LGI1: variants seen among roughly 807,000 people sequenced by gnomAD.
LGI1 encodes the protein leucine rich glioma inactivated 1.
In LGI1, 11 loss-of-function variants were observed where a neutral mutation model predicts 57.7. The ratio of observed to expected loss-of-function variants is 0.19; its 90% CI spans 0.12 to 0.32. LGI1 has a LOEUF of 0.32. LGI1 is among the 10% of genes least tolerant of loss of function. The pLI is 1.00. For missense variants in LGI1, 422 were observed against 661.9 expected (o/e 0.64, Z 3.98); for synonymous variants, 222 against 241.9 (o/e 0.92, Z 0.76).
chr10:93,784,767 C>G (rs1361670606), intron 4 of LGI1, among the ~76,000 whole-genome samples: 2 of 152,058 alleles, frequency 1.3e-5, no homozygotes, highest in African/African-American at 2.4e-5. Context: ...CAGATCTTTG[C>G]AGAGGAAGGA....
At chr10:93,767,710 C>A (rs748966708) in intron 2 of LGI1, 3 of 152,108 alleles carry the variant, frequency 2.0e-5, no homozygotes, top group Non-Finnish European at 4.4e-5. Context: ...TTGATGTGAC[C>A]TCTGGGAGTC....
In LGI1 at chr10:93,793,364, A is replaced by G; in HGVS notation, c.838+14A>G. 1 of 1,611,630 alleles carries G rather than the reference A, an allele frequency of 6.2e-7. No homozygotes were observed. Among genetic ancestry groups the G allele is most frequent in the Non-Finnish European group, 8.5e-7 (1 of 1,177,812 alleles). On this transcript the variant is annotated intron_variant, in intron 7 of 7. Coordinates refer to ENST00000371418, the MANE Select transcript of LGI1 (RefSeq NM_005097.4). ...ACAACATTACAGGTATGAAAAGCCT[A>G]ATGATATTTTGAGTGGTAATTTAAA...
rs1222286917 is a variant in LGI1 at position 93,758,702 on chromosome 10, G to A, written c.216-58G>A. 1.7e-6 allele frequency: 2 copies of A among 1,190,344 alleles called. No homozygotes were observed. Among genetic ancestry groups the A allele is most frequent in the Non-Finnish European group, 2.5e-6 (2 of 800,256 alleles). 73.7% of individuals were successfully genotyped at this position (1,190,344 alleles called of 1,614,324 possible). On this transcript the variant is annotated intron_variant, in intron 1 of 7. Coordinates refer to ENST00000371418, the MANE Select transcript of LGI1 (RefSeq NM_005097.4). This position sits in a 1 kb window ranked among gnomAD's most constrained non-coding sequence, Gnocchi z 4.7. ...GATTAACATAAGGTTTGTTCTGTGT[G>A]TGTGTGTCTCTTTGTGTGTGTCTGT... is the stretch of plus-strand genomic sequence containing the variant.
At position 93,769,331 on chromosome 10, in the gene LGI1, G is replaced by A. The variant is rs573259598; in HGVS notation, c.288-8048G>A. On this transcript the variant is annotated intron_variant, in intron 2 of 7. Coordinates refer to ENST00000371418, the MANE Select transcript of LGI1 (RefSeq NM_005097.4). The stretch of plus-strand genomic sequence containing the variant: ...CATATACATATGCAAATAAACCCAT[G>A]TTCACTTGGGAGTGTGCACACTCAT... 2.0e-5 allele frequency: 3 copies of A among 152,264 alleles called. No homozygotes were observed. The South Asian group carries it at 6.2e-4, about 32-fold the overall frequency. 9.4% of individuals were successfully genotyped at this position (152,264 alleles called of 1,614,324 possible).
intron 2 of LGI1, among the ~76,000 whole-genome samples, chr10:93,759,583 G>A (rs1446573447): frequency 6.6e-6 from 1 of 152,170 alleles, no homozygotes; most frequent in Non-Finnish European, 1.5e-5. Flanking sequence ...AGTCCTTACA[G>A]CGGTATCACA....
At chr10:93,761,245 A>G (rs2059620070) in intron 2 of LGI1, among the ~76,000 whole-genome samples, 1 of 152,190 alleles carries the variant, frequency 6.6e-6, no homozygotes, top group Non-Finnish European at 1.5e-5. Flanking sequence ...CCTTTGGAAC[A>G]TGAAGACCAA....
chr10:93,771,696 G>C (rs114649733), intron 2 of LGI1: 3 of 152,180 alleles, frequency 2.0e-5, no homozygotes, highest in African/African-American at 4.8e-5. Flanking sequence ...TTAAAGGCAG[G>C]CCAGGCGCGC....
At chr10:93,773,848 G>A (rs1018071314) in intron 2 of LGI1, among the ~76,000 whole-genome samples, 2 of 152,168 alleles carry the variant, frequency 1.3e-5, no homozygotes, top group Non-Finnish European at 2.9e-5. Context: ...CATGGAACTG[G>A]GGCAGAGGGC....
At chr10:93,782,476 A>G (rs553415346) in intron 4 of LGI1, among the ~76,000 whole-genome samples, 47 of 152,322 alleles carry the variant, frequency 3.1e-4, no homozygotes, top group African/African-American at 1.1e-3. Context: ...TGTATAACTA[A>G]AACTCACTGC....
chr10:93,781,559 A>G (rs1424059134), intron 4 of LGI1, among the ~76,000 whole-genome samples: 1 of 152,126 alleles, frequency 6.6e-6, no homozygotes. Context: ...TTTGTTTTGA[A>G]TCATTGTTCT....
intron 4 of LGI1, among the ~76,000 whole-genome samples, chr10:93,785,168 A>G (rs775575049): frequency 3.3e-5 from 5 of 152,216 alleles, no homozygotes; most frequent in Non-Finnish European, 7.3e-5. Context: ...GATTATCCCT[A>G]CTAAGAGAGG....
At chr10:93,796,942 C>T (rs2059985224) in intron 7 of LGI1, 26 bp from the exon 8 acceptor site, 1 of 1,572,720 alleles carries the variant, frequency 6.4e-7, no homozygotes, top group Non-Finnish European at 8.7e-7. Context: ...GGCCACACAA[C>T]TAATCTCTCC....
chr10:93,777,269 G>A, intron 2 of LGI1, 110 bp from the exon 3 acceptor site: 1 of 899,152 alleles, frequency 1.1e-6, no homozygotes, highest in Non-Finnish European at 1.9e-6. Flanking sequence ...AGACAGCCAT[G>A]CAGACATTTT....
Position 93,758,829 on chromosome 10 carries a change from C to G in LGI1, c.285C>G (p.Leu95=). ...TTTTATTCACGCCATCGCTGCAGCTCTTGTGAGAAATATTTATATCATGAC... is the reference window on the plus strand; with the variant it reads ...TTTTATTCACGCCATCGCTGCAGCTGTTGTGAGAAATATTTATATCATGAC... The part of the protein sequence containing the change: ...GSFLFTPSLQ[L]LLFTSNSFDV... Residue 95 remains leucine (L), a splice_region_variant and synonymous_variant, in exon 2 of 8, where the codon CTC becomes CTG. Coordinates refer to ENST00000371418, the MANE Select transcript of LGI1 (RefSeq NM_005097.4). The surrounding 1 kb of genome is among the most constrained non-coding windows in gnomAD (Gnocchi z 4.7). The G allele has an allele frequency of 1.2e-6, 2 of 1,604,218 alleles. No individual in the cohort carries two copies. Among genetic ancestry groups the G allele is most frequent in the African/African-American group, 2.7e-5 (2 of 74,760 alleles).
intron 7 of LGI1, among the ~76,000 whole-genome samples, chr10:93,795,582 A>T (rs1329355340): frequency 6.6e-6 from 1 of 152,172 alleles, no homozygotes; most frequent in Non-Finnish European, 1.5e-5. Context: ...TTCCAACCAT[A>T]GCAGATGACA....
intron 4 of LGI1, among the ~76,000 whole-genome samples, chr10:93,781,982 T>G (rs2059851419): frequency 6.6e-6 from 1 of 152,224 alleles, no homozygotes; most frequent in South Asian, 2.1e-4. Context: ...TGCTTGTGTG[T>G]TCCCAATCAG....
In LGI1 at chr10:93,790,187, A is replaced by G; in HGVS notation, c.503+17A>G. The G allele has an allele frequency of 6.3e-7, 1 of 1,580,988 alleles. No individual in the cohort carries two copies. The highest frequency in any genetic ancestry group is 1.7e-5 in the Admixed American group (1 of 59,354). On this transcript the variant is annotated intron_variant, in intron 5 of 7. Transcript: ENST00000371418. ...AACAAATGTGTAAGAGGACCTAAGA[A>G]ATCACTGAACAATTAATTAATTTGC...
intron 7 of LGI1, among the ~76,000 whole-genome samples, chr10:93,794,362 C>CTTTTT (rs71031540): frequency 5.3e-4 from 54 of 101,168 alleles, no homozygotes; most frequent in Non-Finnish European, 7.4e-4. Context: ...CTGGATCTCT[C>CTTTTT]TTTTTTTTTT....
chr10:93,769,687 C>T (rs930045397), intron 2 of LGI1: 6 of 152,176 alleles, frequency 3.9e-5, no homozygotes, highest in Non-Finnish European at 8.8e-5. Flanking sequence ...ACAATAATAA[C>T]TGGCAGTTAC....
Sources: gnomAD v4.1 joint callset for allele counts (sites outside exome capture counted in the v4.1 genomes callset) on GRCh38, gnomAD v4.1.1 for gene constraint, Gnocchi (gnomAD v3.1) non-coding constraint, MANE v1.5 for transcripts, NCBI Gene and HGNC (gene_info 2026-07-23, HGNC 2026-07-21) for gene names.